CENPU: variants seen among roughly 807,000 people sequenced by gnomAD.
CENPU encodes KSHV latent nuclear antigen interacting protein 1.
CENPU carries 46 observed loss-of-function variants against 56.7 expected under a neutral mutation model. The observed-to-expected ratio is 0.81, with a 90% CI of 0.64 to 1.04. The LOEUF (loss-of-function observed/expected upper bound fraction) is 1.04. Among genes scored for constraint, CENPU ranks in the 50% least tolerant of loss-of-function variants. The pLI, the probability that CENPU is intolerant of heterozygous loss-of-function variation, is 0.00. For missense variants in CENPU, 510 were observed against 490.1 expected (o/e 1.04, Z -0.38); for synonymous variants, 166 against 163.0 (o/e 1.02, Z -0.14).
chr4:184,695,183 G>T lies in CENPU; in HGVS notation c.*105C>A. On this transcript the variant is annotated 3_prime_UTR_variant, in exon 13 of 13. Transcript: ENST00000281453. Reference sequence around the variant, plus strand: ...AATAACAAATTTTAGATTCTAAGTAGGCCATAACTTCTTTGCAAAACAATT... The same window carrying T: ...AATAACAAATTTTAGATTCTAAGTATGCCATAACTTCTTTGCAAAACAATT... 1.3e-6 allele frequency: 1 copy of T among 752,620 alleles called. No individual in the cohort carries two copies. Among genetic ancestry groups the T allele is most frequent in the Non-Finnish European group, 2.3e-6 (1 of 435,464 alleles). 46.6% of individuals were successfully genotyped at this position (752,620 alleles called of 1,614,324 possible).
At position 184,718,848 on chromosome 4, in the gene CENPU, T is replaced by C. The variant is rs894866467; in HGVS notation, c.321-1652A>G. ...TGACACTAGATGAGAAGGAAAAGGA[T>C]GAAGCTCAGTTTTGCCTTTGTTGAG... is the stretch of plus-strand genomic sequence containing the variant. On this transcript the variant is annotated intron_variant, in intron 4 of 12. Coordinates refer to ENST00000281453, the MANE Select transcript of CENPU (RefSeq NM_024629.4). Among the ~76,000 whole-genome samples, 3 of 152,100 alleles carry C rather than the reference T, an allele frequency of 2.0e-5. No individual in the cohort carries two copies. In the East Asian group the frequency reaches 5.8e-4, roughly 29 times the overall value.
intron 4 of CENPU, among the ~76,000 whole-genome samples, chr4:184,723,841 CAAAAAAAA>C (rs11299367): frequency 1.0e-4 from 6 of 58,448 alleles, no homozygotes; most frequent in East Asian, 5.0e-4. Flanking sequence ...GACTCCATCT[CAAAAAAAA>C]AAAAAAAAAA....
At chr4:184,715,993 C>T (rs561599291) in intron 6 of CENPU, among the ~76,000 whole-genome samples, 10 of 150,142 alleles carry the variant, frequency 6.7e-5, no homozygotes, top group South Asian at 2.1e-4. Context: ...AGTGCAATGG[C>T]GCAATCTCAG....
chr4:184,733,585 G>A (rs1391735502), intron 1 of CENPU, among the ~76,000 whole-genome samples: 2 of 152,230 alleles, frequency 1.3e-5, no homozygotes, highest in Non-Finnish European at 2.9e-5. Flanking sequence ...CCAGTTTACG[G>A]TCTGTGGTTT....
chr4:184,694,343 CG>C lies in CENPU; in HGVS notation c.*944del, dbSNP rs1759953620. 1 of 1,380,840 alleles carries C rather than the reference CG, an allele frequency of 7.2e-7. No individual in the cohort carries two copies. Among genetic ancestry groups the C allele is most frequent in the Admixed American group, 3.0e-5 (1 of 33,522 alleles). 85.5% of individuals were successfully genotyped at this position (1,380,840 alleles called of 1,614,324 possible). ...GTGTGTCTGAGCTTCAGTGCAGCAA[CG>C]TTTGAATCAGTGCACTCATTCCCAC... On this transcript the variant is annotated 3_prime_UTR_variant, in exon 13 of 13. Coordinates refer to ENST00000281453, the MANE Select transcript of CENPU (RefSeq NM_024629.4).
chr4:184,694,760 T>TAGA lies in CENPU; in HGVS notation c.*525_*527dup. Reference sequence around the variant, plus strand: ...GATGAAATTCCTGATGAACTAATTATAGAAGTATTACAAGAGTAACTAATT... The same window carrying TAGA: ...GATGAAATTCCTGATGAACTAATTATAGAAGAAGTATTACAAGAGTAACTAATT... On this transcript the variant is annotated 3_prime_UTR_variant, in exon 13 of 13. Coordinates refer to ENST00000281453, the MANE Select transcript of CENPU (RefSeq NM_024629.4). 18 of 1,611,462 alleles carry TAGA rather than the reference T, an allele frequency of 1.1e-5. No homozygotes were observed. The highest frequency in any genetic ancestry group is 1.5e-5 in the Non-Finnish European group (18 of 1,177,568).
At chr4:184,714,201 C>G (rs1761015740) in intron 6 of CENPU, among the ~76,000 whole-genome samples, 1 of 152,144 alleles carries the variant, frequency 6.6e-6, no homozygotes. Context: ...AATAAAAACA[C>G]TTCCAGAGAA....
chr4:184,734,069 G>A lies in CENPU; in HGVS notation c.-7C>T, dbSNP rs755012711. 24 of 1,550,268 alleles carry A rather than the reference G, an allele frequency of 1.5e-5. No individual in the cohort carries two copies. The South Asian group carries it at 2.1e-4, about 14-fold the overall frequency. On this transcript the variant is annotated 5_prime_UTR_variant, in exon 1 of 13. Coordinates refer to ENST00000281453, the MANE Select transcript of CENPU (RefSeq NM_024629.4). Reference sequence around the variant, plus strand: ...GCCGCCCCCGCGGGGCCATGGTGCCGCTCTCCGCTCTCGAGCGACTGGAAG... The same window carrying A: ...GCCGCCCCCGCGGGGCCATGGTGCCACTCTCCGCTCTCGAGCGACTGGAAG...
intron 10 of CENPU, among the ~76,000 whole-genome samples, chr4:184,701,714 G>A (rs893363344): frequency 6.6e-6 from 1 of 152,092 alleles, no homozygotes; most frequent in Admixed American, 6.6e-5. Flanking sequence ...CTAAAAGGTT[G>A]TGCTTTTCGA....
At chr4:184,716,768 C>T (rs1561138912) in intron 5 of CENPU, 135 bp from the exon 6 acceptor site, 9 of 696,642 alleles carry the variant, frequency 1.3e-5, no homozygotes, top group South Asian at 2.0e-5. Context: ...AATAGGAAGA[C>T]GGCAACTTAA....
intron 3 of CENPU, among the ~76,000 whole-genome samples, chr4:184,728,541 T>C (rs1204189481): frequency 6.6e-6 from 1 of 152,182 alleles, no homozygotes; most frequent in Non-Finnish European, 1.5e-5. Flanking sequence ...AAGCATCCCC[T>C]GCCTCCATGA....
chr4:184,701,002 CTT>C (rs888597601), intron 10 of CENPU, 121 bp from the exon 11 acceptor site: 8 of 764,570 alleles, frequency 1.0e-5, no homozygotes, highest in Non-Finnish European at 1.8e-5. Flanking sequence ...CCATCACAGA[CTT>C]TGGTCTAATG....
intron 11 of CENPU, 142 bp downstream of exon 11, chr4:184,700,678 A>ACC (rs1052830474): frequency 1.3e-6 from 1 of 750,648 alleles, no homozygotes; most frequent in African/African-American, 1.7e-5. Flanking sequence ...TAAGCAGCAT[A>ACC]CCCTGCCTTC....
chr4:184,733,414 G>C (rs759018708), intron 1 of CENPU: 1 of 993,560 alleles, frequency 1.0e-6, no homozygotes, highest in Non-Finnish European at 1.2e-6. Flanking sequence ...GCCAGATCCA[G>C]GCCGGGCCTT....
At chr4:184,710,047 T>C (rs371881042) in intron 8 of CENPU, 25 bp downstream of exon 8, 15 of 1,399,940 alleles carry the variant, frequency 1.1e-5, no homozygotes, top group Non-Finnish European at 1.0e-6. Flanking sequence ...ATTAGGTAAA[T>C]ATAGCACATC....
At chr4:184,717,421 A>G (rs1346661842) in intron 4 of CENPU, among the ~76,000 whole-genome samples, 1 of 152,158 alleles carries the variant, frequency 6.6e-6, no homozygotes, top group African/African-American at 2.4e-5. Flanking sequence ...CTGTTCCATT[A>G]CTGCAGCACC....
chr4:184,720,101 A>G (rs1761224543), intron 4 of CENPU, among the ~76,000 whole-genome samples: 1 of 152,222 alleles, frequency 6.6e-6, no homozygotes, highest in Non-Finnish European at 1.5e-5. Context: ...AATTCAAAAT[A>G]GCTGTTCTGA....
intron 8 of CENPU, among the ~76,000 whole-genome samples, chr4:184,703,084 C>T (rs4263438): frequency 0.18 from 27,123 of 152,048 alleles, 2,722 homozygotes; most frequent in African/African-American, 0.26. Context: ...CTGAAAAAAA[C>T]ACCGGAAACA....
Position 184,701,369 on chromosome 4 carries a change from A to G in CENPU, c.925-488T>C, listed in dbSNP as rs1028362338. 5.3e-5 allele frequency among the ~76,000 whole-genome samples: 8 copies of G among 152,338 alleles called. 1 individual carries two copies. In the South Asian group the frequency reaches 6.2e-4, roughly 12 times the overall value. On this transcript the variant is annotated intron_variant, in intron 10 of 12. Coordinates refer to ENST00000281453, the MANE Select transcript of CENPU (RefSeq NM_024629.4). ...GTAATAAGCAATGCAGAAATGACCA[A>G]TAAGAGATTAAAACTGAAAAACAAA...
Sources: gnomAD v4.1 joint callset for allele counts (sites outside exome capture counted in the v4.1 genomes callset) on GRCh38, gnomAD v4.1.1 for gene constraint, MANE v1.5 for transcripts, NCBI Gene and HGNC (gene_info 2026-07-23, HGNC 2026-07-21) for gene names.